The following TSGA10 variants were observed in gnomAD, a reference collection of about 807,000 sequenced individuals.
TSGA10 encodes the protein testis-specific gene 10 protein.
Under a neutral mutation model 96.6 loss-of-function variants are expected in TSGA10, and 43 were observed. The ratio of observed to expected loss-of-function variants is 0.44; its 90% CI spans 0.35 to 0.57. TSGA10 has a LOEUF of 0.57. TSGA10 is among the 20% of genes least tolerant of loss of function. The probability of loss-of-function intolerance (pLI) is 0.01; values close to 1 mark genes in which losing one functional copy is unlikely to be tolerated. For synonymous variants in TSGA10, 229 were observed against 269.9 expected, an observed-to-expected ratio of 0.85 and a Z score of 1.48; for missense variants, 703 against 834.4, an observed-to-expected ratio of 0.84 and a Z score of 1.94.
chr2:99,092,806 C>A lies in TSGA10; in HGVS notation c.611+11161G>T, dbSNP rs115717067. On this transcript the variant is annotated intron_variant, in intron 10 of 20. Coordinates refer to ENST00000393483, the MANE Select transcript of TSGA10 (RefSeq NM_025244.4). Reference sequence around the variant, plus strand: ...ATTGCCCACAAAAAAAGTCAAGGACCAGCTGAATTCTATCAGACATTCAAA... The same window carrying A: ...ATTGCCCACAAAAAAAGTCAAGGACAAGCTGAATTCTATCAGACATTCAAA... Among the ~76,000 whole-genome samples, 1,076 of 152,000 alleles carry A rather than the reference C, an allele frequency of 7.1e-3. 9 individuals carry two copies. Among genetic ancestry groups the A allele is most frequent in the African/African-American group, 0.024 (981 of 41,496 alleles).
intron 16 of TSGA10, among the ~76,000 whole-genome samples, chr2:99,063,496 G>A (rs1222268733): frequency 6.6e-6 from 1 of 152,042 alleles, no homozygotes; most frequent in Non-Finnish European, 1.5e-5. Flanking sequence ...AGAATACATA[G>A]AGAATTCCGT....
At chr2:99,010,464 T>TG (rs2078910260) in intron 20 of TSGA10, among the ~76,000 whole-genome samples, 2 of 152,326 alleles carry the variant, frequency 1.3e-5, no homozygotes, top group South Asian at 4.1e-4. Context: ...ACGTCCCCAC[T>TG]GGGGAATCTA....
chr2:99,076,348 T>C (rs962731734), intron 12 of TSGA10, among the ~76,000 whole-genome samples: 1 of 152,196 alleles, frequency 6.6e-6, no homozygotes, highest in African/African-American at 2.4e-5. Context: ...CTCATTTCCC[T>C]ATAATCCATC....
At chr2:99,101,929 G>C (rs1448921518) in intron 10 of TSGA10, 1 of 658,512 alleles carries the variant, frequency 1.5e-6, no homozygotes, top group African/African-American at 1.8e-5. Flanking sequence ...CAGAGGTTCA[G>C]TTGTGCAACA....
chr2:99,059,778 G>A (rs904227402), intron 16 of TSGA10, among the ~76,000 whole-genome samples: 2 of 151,796 alleles, frequency 1.3e-5, no homozygotes, highest in African/African-American at 2.4e-5. Context: ...GCCAGGCATG[G>A]TGGCACGCTC....
At chr2:99,002,418 T>G (rs190055295) in intron 20 of TSGA10, among the ~76,000 whole-genome samples, 1 of 152,310 alleles carries the variant, frequency 6.6e-6, no homozygotes, top group African/African-American at 2.4e-5. Flanking sequence ...TAAAATACTT[T>G]ACAGACAAAC....
Position 99,088,348 on chromosome 2 carries a change from TACTG to T in TSGA10, c.612-6955_612-6952del, listed in dbSNP as rs1405671641. Reference sequence around the variant, plus strand: ...TTATTAGTTATTGTTGTTAATCTCTTACTGCACCTAATTTATAAATTAAATATTA... The same window carrying T: ...TTATTAGTTATTGTTGTTAATCTCTTCACCTAATTTATAAATTAAATATTA... On this transcript the variant is annotated intron_variant, in intron 10 of 20. Transcript: ENST00000393483. Among the ~76,000 whole-genome samples the T allele has an allele frequency of 3.3e-5, 5 of 152,342 alleles. No individual in the cohort carries two copies. In the East Asian group the frequency reaches 9.6e-4, roughly 29 times the overall value.
At chr2:99,105,933 A>C (rs2091294147) in intron 7 of TSGA10, among the ~76,000 whole-genome samples, 1 of 152,224 alleles carries the variant, frequency 6.6e-6, no homozygotes, top group African/African-American at 2.4e-5. Context: ...AATTTGGAGG[A>C]AGTCATTGCA....
intron 12 of TSGA10, among the ~76,000 whole-genome samples, chr2:99,073,665 G>A (rs115080122): frequency 0.018 from 2,766 of 152,200 alleles, 87 homozygotes; most frequent in African/African-American, 0.064. Flanking sequence ...CTCGAGCAAA[G>A]GTAAGAGAAA....
chr2:99,126,832 C>A (rs373601682), intron 2 of TSGA10: 35 of 273,092 alleles, frequency 1.3e-4, no homozygotes, highest in South Asian at 1.2e-3. Context: ...AAACTGTATA[C>A]CTGAAAACAT....
intron 1 of TSGA10, among the ~76,000 whole-genome samples, chr2:99,153,288 G>A (rs960687221): frequency 2.0e-5 from 3 of 152,202 alleles, no homozygotes; most frequent in African/African-American, 4.8e-5. Context: ...TTTGGAGTAC[G>A]TTGAAACAAT....
At chr2:99,143,335 AT>A (rs934861674) in intron 1 of TSGA10, among the ~76,000 whole-genome samples, 10 of 149,006 alleles carry the variant, frequency 6.7e-5, no homozygotes, top group Non-Finnish European at 1.5e-4. Context: ...TGTTTTTTGT[AT>A]TTTTAGTAGA....
chr2:99,150,479 TC>T, intron 1 of TSGA10: 17 of 1,463,068 alleles, frequency 1.2e-5, no homozygotes, highest in South Asian at 6.6e-5. Context: ...TTTTTTTTTT[TC>T]AGTAATCAAG....
At chr2:99,139,412 A>AT (rs2093445269) in intron 1 of TSGA10, among the ~76,000 whole-genome samples, 1 of 152,232 alleles carries the variant, frequency 6.6e-6, no homozygotes, top group African/African-American at 2.4e-5. Flanking sequence ...TCAACAAATT[A>AT]TTGATTTTTT....
intron 1 of TSGA10, among the ~76,000 whole-genome samples, chr2:99,140,126 G>A (rs1326360840): frequency 6.6e-6 from 1 of 152,152 alleles, no homozygotes; most frequent in Non-Finnish European, 1.5e-5. Context: ...ATTAAATAAT[G>A]CCAAAGTTTA....
chr2:99,071,301 TCA>T (rs1248906619), intron 14 of TSGA10, among the ~76,000 whole-genome samples: 1 of 152,026 alleles, frequency 6.6e-6, no homozygotes, highest in Non-Finnish European at 1.5e-5. Flanking sequence ...CTAAAAAGAA[TCA>T]CAGTGCTAAT....
At chr2:99,034,284 C>T (rs6542858) in intron 17 of TSGA10, among the ~76,000 whole-genome samples, 53,078 of 151,626 alleles carry the variant, frequency 0.35, 10,584 homozygotes, top group African/African-American at 0.55. Context: ...CACCTGTAAT[C>T]CCAGCTACTC....
intron 6 of TSGA10, 87 bp from the exon 7 acceptor site, chr2:99,109,078 T>G (rs2091599268): frequency 1.0e-6 from 1 of 975,344 alleles, no homozygotes; most frequent in African/African-American, 1.6e-5. Flanking sequence ...AATTTCTATT[T>G]AAGAAAATAA....
intron 2 of TSGA10, chr2:99,124,807 G>C (rs976324881): frequency 1.3e-5 from 2 of 151,460 alleles, no homozygotes; most frequent in African/African-American, 4.9e-5. Context: ...GGATGGTCTC[G>C]ATCTCCTGAC....
Sources: gnomAD v4.1 joint callset for allele counts (sites outside exome capture counted in the v4.1 genomes callset) on GRCh38, gnomAD v4.1.1 for gene constraint, MANE v1.5 for transcripts, NCBI Gene and HGNC (gene_info 2026-07-23, HGNC 2026-07-21) for gene names.